Variants in TBCD observed in about 807,000 individuals in gnomAD.
TBCD encodes tubulin-specific chaperone D.
A neutral mutation model predicts 169.3 loss-of-function variants in TBCD; 105 were observed. The ratio of observed to expected loss-of-function variants is 0.62; its 90% confidence interval spans 0.53 to 0.73. The LOEUF is 0.73. Ranked by LOEUF, TBCD falls within the 30% of genes least tolerant of loss-of-function variation. TBCD has a pLI of 0.00. For missense variants in TBCD, 1,444 were observed against 1,600.1 expected (o/e 0.90, Z 1.66); for synonymous variants, 700 against 643.9 (o/e 1.09, Z -1.32).
intron 7 of TBCD, among the ~76,000 whole-genome samples, chr17:82,790,998 C>T (rs1028008934): frequency 3.9e-5 from 6 of 152,100 alleles, no homozygotes; most frequent in African/African-American, 7.2e-5. Flanking sequence ...CCGCTGAGCC[C>T]GTGGGCTGCT....
intron 16 of TBCD, chr17:82,893,300 A>G: frequency 1.9e-6 from 1 of 518,206 alleles, no homozygotes; most frequent in East Asian, 3.2e-5. Flanking sequence ...GAGTTGTTTG[A>G]AAAAGATGAA....
rs1473875775 is a variant in TBCD at position 82,833,480 on chromosome 17, A to C, written c.1318+18546A>C. ...TTAAGTAGCATTTATGTTGTCTCAG[A>C]TATGAATACAAATGCTATATTTATG... On this transcript the variant is annotated intron_variant, in intron 13 of 38. Coordinates refer to ENST00000355528, the MANE Select transcript of TBCD (RefSeq NM_005993.5). This position sits in a 1 kb window ranked among gnomAD's most constrained non-coding sequence, Gnocchi z 4.7. Among the ~76,000 whole-genome samples the C allele has an allele frequency of 6.6e-6, 1 of 152,238 alleles. No individual in the cohort carries two copies. The highest frequency in any genetic ancestry group is 1.5e-5 in the Non-Finnish European group (1 of 68,042).
intron 14 of TBCD, among the ~76,000 whole-genome samples, chr17:82,877,591 T>TC (rs1169427376): frequency 6.6e-6 from 1 of 152,146 alleles, no homozygotes; most frequent in East Asian, 1.9e-4. Context: ...CCACCCACCT[T>TC]GGCCTCCCAA....
At position 82,911,923 on chromosome 17, in the gene TBCD, G is replaced by A. The variant is rs1276551485; in HGVS notation, c.2038+134G>A. On this transcript the variant is annotated intron_variant, in intron 23 of 38. Coordinates refer to ENST00000355528, the MANE Select transcript of TBCD (RefSeq NM_005993.5). ...CTGGGTGTGTTTCTTCTGTGGAGGC[G>A]GCATCTGTGATGTGCTTGGTTTGTC... 15 of 857,892 alleles carry A rather than the reference G, an allele frequency of 1.7e-5. No homozygotes were observed. In the Admixed American group the frequency reaches 1.9e-4, roughly 11 times the overall value. 53.1% of individuals were successfully genotyped at this position (857,892 alleles called of 1,614,324 possible). A position where few individuals can be genotyped will look rare whatever the true frequency, so the allele number is the denominator to read the frequency against.
chr17:82,817,860 A>G (rs1033926053), intron 13 of TBCD, among the ~76,000 whole-genome samples: 1 of 152,232 alleles, frequency 6.6e-6, no homozygotes, highest in African/African-American at 2.4e-5. Context: ...TGCTGACCCC[A>G]GAACCATGAA....
chr17:82,756,471 G>GT (rs900121556), intron 2 of TBCD, among the ~76,000 whole-genome samples: 6 of 151,542 alleles, frequency 4.0e-5, no homozygotes, highest in Admixed American at 2.0e-4. Context: ...CTCCTCATGT[G>GT]TTTTTTTTGT....
chr17:82,858,636 A>G lies in TBCD; in HGVS notation c.1319-11588A>G, dbSNP rs1256305854. 5.1e-6 allele frequency: 5 copies of G among 985,232 alleles called. No homozygotes were observed. The South Asian group carries it at 1.9e-4, about 37-fold the overall frequency. The allele number at this position is 985,232 out of a possible 1,614,324, so 61.0% of individuals were successfully genotyped here. On this transcript the variant is annotated intron_variant, in intron 13 of 38. Coordinates refer to ENST00000355528, the MANE Select transcript of TBCD (RefSeq NM_005993.5). ...TGGGTGTGCCTCACAGACACAGGAC[A>G]CTTTTTAGGGTTGCTTTTGAATGTG...
At chr17:82,908,326 T>C in intron 21 of TBCD, 1 of 456,866 alleles carries the variant, frequency 2.2e-6, no homozygotes, top group Non-Finnish European at 4.4e-6. Flanking sequence ...GTCTGATGTC[T>C]CCTGAAAGTA....
chr17:82,812,576 C>T (rs536841942), intron 12 of TBCD, among the ~76,000 whole-genome samples: 152 of 152,278 alleles, frequency 1.0e-3, no homozygotes, highest in Non-Finnish European at 1.9e-3. Context: ...GATGGAGTCT[C>T]GCTCTGTCGC....
chr17:82,835,478 A>G lies in TBCD; in HGVS notation c.1318+20544A>G, dbSNP rs1194747559. Among the ~76,000 whole-genome samples, 1 of 152,136 alleles carries G rather than the reference A, an allele frequency of 6.6e-6. No individual in the cohort carries two copies. The highest frequency in any genetic ancestry group is 1.9e-4 in the East Asian group (1 of 5,192). On this transcript the variant is annotated intron_variant, in intron 13 of 38. Coordinates refer to ENST00000355528, the MANE Select transcript of TBCD (RefSeq NM_005993.5). The surrounding 1 kb of genome is among the most constrained non-coding windows in gnomAD (Gnocchi z 4.5). The stretch of plus-strand genomic sequence containing the variant: ...GGTCTTGTTGCCCAGGCTGGAGGGC[A>G]GTGGTGCGATCTCGGTTCACTGCAA...
chr17:82,873,619 A>G lies in TBCD; in HGVS notation c.1475+3239A>G, dbSNP rs140596416. Among the ~76,000 whole-genome samples, 307 of 152,348 alleles carry G rather than the reference A, an allele frequency of 2.0e-3. 3 individuals carry two copies. The highest frequency in any genetic ancestry group is 7.2e-3 in the African/African-American group (298 of 41,586). ...TTCTTACCTAAGGTCCTGGACAGGC[A>G]GATACATAACTTCTGCCTTTGGCAA... On this transcript the variant is annotated intron_variant, in intron 14 of 38. Coordinates refer to ENST00000355528, the MANE Select transcript of TBCD (RefSeq NM_005993.5).
chr17:82,892,600 G>A (rs568674694), intron 16 of TBCD, among the ~76,000 whole-genome samples: 13 of 152,236 alleles, frequency 8.5e-5, no homozygotes, highest in African/African-American at 1.2e-4. Flanking sequence ...GTTGACTTGC[G>A]AAGCTATTAC....
At chr17:82,827,623 T>C (rs1732657782) in intron 13 of TBCD, among the ~76,000 whole-genome samples, 1 of 152,148 alleles carries the variant, frequency 6.6e-6, no homozygotes, top group South Asian at 2.1e-4. Flanking sequence ...CACGTGTACA[T>C]GTGCACACTG....
At chr17:82,776,171 A>G (rs974168689) in intron 6 of TBCD, among the ~76,000 whole-genome samples, 1 of 152,176 alleles carries the variant, frequency 6.6e-6, no homozygotes, top group Non-Finnish European at 1.5e-5. Flanking sequence ...GTGAGCAGAG[A>G]TCGCACCATT....
At chr17:82,781,479 G>A (rs1417831667) in intron 6 of TBCD, 110 bp from the exon 7 acceptor site, 1 of 1,384,890 alleles carries the variant, frequency 7.2e-7, no homozygotes, top group Non-Finnish European at 9.8e-7. Flanking sequence ...TTGGTGTAAG[G>A]GTGCGTGAGG....
rs1462807256 is a variant in TBCD at position 82,884,831 on chromosome 17, G to T, written c.1533+629G>T. The stretch of plus-strand genomic sequence containing the variant: ...TCAGAGCTGGGCTGGAGTGAGGCCT[G>T]TGTCTCTTGGGACCACAGAGAGCGG... On this transcript the variant is annotated intron_variant, in intron 15 of 38. Transcript: ENST00000355528. This position sits in a 1 kb window ranked among gnomAD's most constrained non-coding sequence, Gnocchi z 4.2. 1 of 154,618 alleles carries T rather than the reference G, an allele frequency of 6.5e-6. No individual in the cohort carries two copies. Among genetic ancestry groups the T allele is most frequent in the Non-Finnish European group, 1.4e-5 (1 of 69,388 alleles). The allele number at this position is 154,618 out of a possible 1,614,324, so 9.6% of individuals were successfully genotyped here.
At chr17:82,825,402 A>G (rs2052755698) in intron 13 of TBCD, among the ~76,000 whole-genome samples, 1 of 152,086 alleles carries the variant, frequency 6.6e-6, no homozygotes, top group South Asian at 2.1e-4. Context: ...TTAGTTTCTG[A>G]AAGCTGGAAG....
At chr17:82,877,385 G>A (rs2058049551) in intron 14 of TBCD, among the ~76,000 whole-genome samples, 1 of 151,690 alleles carries the variant, frequency 6.6e-6, no homozygotes, top group African/African-American at 2.4e-5. Context: ...TTCCTCTGTC[G>A]CCCAGGCTGG....
At position 82,832,591 on chromosome 17, in the gene TBCD, C is replaced by T. The variant is rs1302804209; in HGVS notation, c.1318+17657C>T. 14 of 785,438 alleles carry T rather than the reference C, an allele frequency of 1.8e-5. No individual in the cohort carries two copies. The highest frequency in any genetic ancestry group is 5.3e-5 in the East Asian group (2 of 37,902). 48.7% of individuals were successfully genotyped at this position (785,438 alleles called of 1,614,324 possible). A position where few individuals can be genotyped will look rare whatever the true frequency, so the allele number is the denominator to read the frequency against. The stretch of plus-strand genomic sequence containing the variant: ...TCACTTCTATCAGAAGCCAGCTCTG[C>T]GTGCTGAGGGTCTGGCGAGAGCCTC... On this transcript the variant is annotated intron_variant, in intron 13 of 38. Coordinates refer to ENST00000355528, the MANE Select transcript of TBCD (RefSeq NM_005993.5). This position sits in a 1 kb window ranked among gnomAD's most constrained non-coding sequence, Gnocchi z 4.9.
Sources: allele counts gnomAD v4.1 joint callset (sites outside exome capture counted in the v4.1 genomes callset), GRCh38; gene constraint gnomAD v4.1.1; non-coding constraint Gnocchi (gnomAD v3.1); transcripts MANE v1.5; gene names NCBI Gene and HGNC (gene_info 2026-07-23, HGNC 2026-07-21).